Variants in MYO5C observed in about 807,000 individuals in gnomAD.
The protein encoded by MYO5C is unconventional myosin-Vc.
MYO5C carries 194 observed loss-of-function variants against 235.7 expected under a neutral mutation model. The ratio of observed to expected loss-of-function variants is 0.82; its 90% CI spans 0.73 to 0.93. MYO5C has a LOEUF of 0.93. Among genes scored for constraint, MYO5C ranks in the 40% least tolerant of loss-of-function variants. The pLI is 0.00. For synonymous variants in MYO5C, 707 were observed against 754.8 expected (o/e 0.94, Z 1.04); for missense variants, 2,038 against 2,127.2 (o/e 0.96, Z 0.82).
At chr15:52,204,322 C>T (rs960272602) in intron 38 of MYO5C, among the ~76,000 whole-genome samples, 1 of 151,832 alleles carries the variant, frequency 6.6e-6, no homozygotes, top group African/African-American at 2.4e-5. Context: ...CTGACCGTTT[C>T]TCCTGCTTGG....
chr15:52,202,834 A>G (rs1483624443), intron 38 of MYO5C, among the ~76,000 whole-genome samples: 1 of 152,002 alleles, frequency 6.6e-6, no homozygotes, highest in Non-Finnish European at 1.5e-5. Context: ...TGCCTCTCAC[A>G]TGTATTTTTT....
At chr15:52,239,073 T>C (rs1253779883) in intron 21 of MYO5C, among the ~76,000 whole-genome samples, 1 of 152,178 alleles carries the variant, frequency 6.6e-6, no homozygotes, top group Admixed American at 6.5e-5. Context: ...TGCCTCAGCC[T>C]CCAGAGTAGC....
At position 52,237,563 on chromosome 15, in the gene MYO5C, C is replaced by T; in HGVS notation, c.2787G>A (p.Leu929=). 6.2e-7 allele frequency: 1 copy of T among 1,614,186 alleles called. No homozygotes were observed. Among genetic ancestry groups the T allele is most frequent in the Non-Finnish European group, 8.5e-7 (1 of 1,180,044 alleles). ...TGGCTGCTTTTTCTAGTTCTGCTTC[C>T]AGCTTCTGAATCTTTTCCACATCCC... The part of the protein sequence containing the change: ...RAGDVEKIQK[L]EAELEKAATH... Residue 929 remains leucine, a synonymous_variant, in exon 22 of 41, where the codon CTG becomes CTA. Transcript: ENST00000261839.
chr15:52,231,083 C>G (rs990792845), intron 24 of MYO5C, among the ~76,000 whole-genome samples: 1 of 152,202 alleles, frequency 6.6e-6, no homozygotes, highest in African/African-American at 2.4e-5. Flanking sequence ...CCACCTTGGC[C>G]TCCCAAAGTG....
intron 30 of MYO5C, among the ~76,000 whole-genome samples, chr15:52,220,956 T>C (rs1252880004): frequency 2.0e-5 from 3 of 152,094 alleles, no homozygotes; most frequent in Non-Finnish European, 4.4e-5. Context: ...ATTATAGGTG[T>C]AAGCCACTGC....
chr15:52,245,326 C>T (rs761847058), intron 18 of MYO5C, 28 bp downstream of exon 18: 1 of 1,432,444 alleles, frequency 7.0e-7, no homozygotes, highest in East Asian at 2.3e-5. Context: ...GGAAGGAGAC[C>T]ATGATCCCAG....
intron 24 of MYO5C, among the ~76,000 whole-genome samples, chr15:52,230,615 G>T (rs2141299626): frequency 6.6e-6 from 1 of 152,134 alleles, no homozygotes; most frequent in East Asian, 1.9e-4. Flanking sequence ...TTGCCATGTT[G>T]GCCAGACTGG....
intron 13 of MYO5C, 22 bp downstream of exon 13, chr15:52,251,368 T>C (rs776733098): frequency 6.3e-7 from 1 of 1,584,134 alleles, no homozygotes; most frequent in Non-Finnish European, 8.6e-7. Context: ...GTTGACAGCA[T>C]TGATGGAGAC....
At chr15:52,282,687 G>A in intron 2 of MYO5C, 95 bp downstream of exon 2, 1 of 850,242 alleles carries the variant, frequency 1.2e-6, no homozygotes, top group Non-Finnish European at 2.0e-6. Flanking sequence ...CCCTCCCCTG[G>A]GTGCCTCCCA....
At chr15:52,274,364 C>T (rs111608590) in intron 5 of MYO5C, among the ~76,000 whole-genome samples, 10,781 of 152,190 alleles carry the variant, frequency 0.071, 423 homozygotes, top group Middle Eastern at 0.082. Context: ...CTGCAACCTC[C>T]ACCTCCTGAC....
At chr15:52,259,438 A>G (rs1384432453) in intron 10 of MYO5C, among the ~76,000 whole-genome samples, 2 of 151,880 alleles carry the variant, frequency 1.3e-5, no homozygotes, top group East Asian at 1.9e-4. Context: ...AAAAAAGAAA[A>G]AAAAGAAAGA....
At chr15:52,265,650 C>T (rs2036792654) in intron 8 of MYO5C, among the ~76,000 whole-genome samples, 1 of 152,018 alleles carries the variant, frequency 6.6e-6, no homozygotes, top group African/African-American at 2.4e-5. Flanking sequence ...GTAATCCTCC[C>T]ACCTCCGCCT....
intron 32 of MYO5C, 48 bp from the exon 33 acceptor site, chr15:52,214,738 C>T (rs764794502): frequency 1.7e-6 from 2 of 1,202,726 alleles, no homozygotes; most frequent in Non-Finnish European, 1.1e-6. Flanking sequence ...GCACTTTAAT[C>T]TATTTTTTTT....
chr15:52,254,686 A>G (rs769301937), intron 11 of MYO5C, among the ~76,000 whole-genome samples: 11 of 152,000 alleles, frequency 7.2e-5, no homozygotes, highest in Non-Finnish European at 1.6e-4. Flanking sequence ...TGGAAGAGGA[A>G]GAAGAACAGG....
chr15:52,250,630 T>G (rs1181368673), intron 13 of MYO5C, among the ~76,000 whole-genome samples: 1 of 152,104 alleles, frequency 6.6e-6, no homozygotes, highest in Non-Finnish European at 1.5e-5. Flanking sequence ...CCCTCCACCA[T>G]CAGTCACTCG....
intron 17 of MYO5C, 44 bp from the exon 18 acceptor site, chr15:52,245,509 C>T (rs754663934): frequency 4.3e-6 from 6 of 1,388,258 alleles, no homozygotes; most frequent in Non-Finnish European, 5.1e-6. Context: ...TCAGAGGAAG[C>T]ACATTGTGTC....
intron 1 of MYO5C, among the ~76,000 whole-genome samples, chr15:52,286,232 C>A (rs1309932822): frequency 6.7e-6 from 1 of 150,114 alleles, no homozygotes; most frequent in African/African-American, 2.5e-5. Flanking sequence ...GGGGGGTCAG[C>A]CCCCGCCAGG....
chr15:52,255,902 C>T (rs2036568637), intron 11 of MYO5C, among the ~76,000 whole-genome samples: 1 of 152,112 alleles, frequency 6.6e-6, no homozygotes, highest in Admixed American at 6.5e-5. Context: ...AATTGGAATC[C>T]ATCTCCTGTC....
intron 15 of MYO5C, 46 bp downstream of exon 15, chr15:52,247,412 C>T (rs1466950742): frequency 1.2e-6 from 2 of 1,600,572 alleles, no homozygotes; most frequent in Admixed American, 1.7e-5. Context: ...TCCCCAGGGC[C>T]TGGCCCTGCC....
Sources: gnomAD v4.1 joint callset for allele counts (sites outside exome capture counted in the v4.1 genomes callset) on GRCh38, gnomAD v4.1.1 for gene constraint, MANE v1.5 for transcripts, NCBI Gene and HGNC (gene_info 2026-07-23, HGNC 2026-07-21) for gene names.